Variants in ZNF787 observed in about 807,000 individuals in gnomAD.
ZNF787 encodes the protein TTF-I-interacting peptide 20.
Under a neutral mutation model 16.9 loss-of-function variants are expected in ZNF787, and 7 were observed. The ratio of observed to expected loss-of-function variants is 0.42; its 90% CI spans 0.24 to 0.78. ZNF787 has a LOEUF of 0.78. Among genes scored for constraint, ZNF787 ranks in the 30% least tolerant of loss-of-function variants. The pLI, the probability that ZNF787 is intolerant of heterozygous loss-of-function variation, is 0.30. For missense variants in ZNF787, 551 were observed against 589.3 expected (o/e 0.94, Z 0.67); for synonymous variants, 345 against 270.9 (o/e 1.27, Z -2.69).
intron 1 of ZNF787, among the ~76,000 whole-genome samples, chr19:56,118,633 G>A (rs2030203763): frequency 6.6e-6 from 1 of 152,178 alleles, no homozygotes; most frequent in Non-Finnish European, 1.5e-5. Context: ...CAGGCACTGG[G>A]CCAGGTTCCT....
rs561269461 is a variant in ZNF787 at position 56,087,901 on chromosome 19, G to C, written c.*122C>G. ...GCGCAGGGACAGAGGAGGGCGGGGA[G>C]CCGGGGATGCCGCGGGGTCCATCGC... On this transcript the variant is annotated 3_prime_UTR_variant, in exon 3 of 3. Coordinates refer to ENST00000610935, the MANE Select transcript of ZNF787 (RefSeq NM_001002836.4). 5 of 1,271,144 alleles carry C rather than the reference G, an allele frequency of 3.9e-6. No individual in the cohort carries two copies. The Admixed American group carries it at 1.8e-4, about 45-fold the overall frequency. The allele number at this position is 1,271,144 out of a possible 1,614,324, so 78.7% of individuals were successfully genotyped here. A position where few individuals can be genotyped will look rare whatever the true frequency, so the allele number is the denominator to read the frequency against.
At chr19:56,097,521 T>A (rs1277544583) in intron 2 of ZNF787, among the ~76,000 whole-genome samples, 1 of 152,172 alleles carries the variant, frequency 6.6e-6, no homozygotes, top group Non-Finnish European at 1.5e-5. Context: ...GGCAGTAGGA[T>A]GGACTGCGTG....
At chr19:56,104,704 G>A (rs1168351058) in intron 1 of ZNF787, among the ~76,000 whole-genome samples, 1 of 151,942 alleles carries the variant, frequency 6.6e-6, no homozygotes, top group African/African-American at 2.4e-5. Context: ...ACCAACCTGT[G>A]CCATGCACTG....
intron 2 of ZNF787, among the ~76,000 whole-genome samples, chr19:56,089,587 G>A (rs1307941179): frequency 2.0e-5 from 3 of 152,178 alleles, no homozygotes; most frequent in African/African-American, 7.2e-5. Context: ...TGCCCGCCAG[G>A]GAGCGATGGT....
intron 2 of ZNF787, among the ~76,000 whole-genome samples, chr19:56,091,972 A>G (rs113106741): frequency 7.2e-5 from 8 of 111,200 alleles, no homozygotes; most frequent in African/African-American, 1.2e-4. Context: ...AACCGAAGCC[A>G]AAGCCGAAGG....
chr19:56,119,655 G>A (rs2030230087), intron 1 of ZNF787, among the ~76,000 whole-genome samples: 1 of 152,202 alleles, frequency 6.6e-6, no homozygotes, highest in Admixed American at 6.5e-5. Flanking sequence ...AGCTCTTGGG[G>A]AATACAACCC....
chr19:56,110,965 A>G (rs1432468142), intron 1 of ZNF787, among the ~76,000 whole-genome samples: 2 of 152,200 alleles, frequency 1.3e-5, no homozygotes, highest in South Asian at 2.1e-4. Flanking sequence ...CAGCCTATAG[A>G]GGTGGAGGGG....
At chr19:56,090,840 T>C (rs1389983207) in intron 2 of ZNF787, among the ~76,000 whole-genome samples, 2 of 152,088 alleles carry the variant, frequency 1.3e-5, no homozygotes, top group East Asian at 3.9e-4. Flanking sequence ...ACAAAAACGC[T>C]TATGCTCAGG....
At chr19:56,116,647 G>A (rs1231017912) in intron 1 of ZNF787, among the ~76,000 whole-genome samples, 1 of 151,958 alleles carries the variant, frequency 6.6e-6, no homozygotes, top group Non-Finnish European at 1.5e-5. Flanking sequence ...AACCACACCT[G>A]CGGACCACCT....
At chr19:56,094,187 CTTTTTT>C (rs572443571) in intron 2 of ZNF787, among the ~76,000 whole-genome samples, 8 of 105,474 alleles carry the variant, frequency 7.6e-5, no homozygotes, top group Non-Finnish European at 1.3e-4. Context: ...TCATGCCCGG[CTTTTTT>C]TTTTTTTTTT....
intron 2 of ZNF787, chr19:56,102,659 T>G: frequency 2.1e-6 from 1 of 484,850 alleles, no homozygotes; most frequent in Non-Finnish European, 3.6e-6. Context: ...AGCCTGCGGG[T>G]TCCCTGCACT....
At chr19:56,118,960 A>C (rs1016811952) in intron 1 of ZNF787, among the ~76,000 whole-genome samples, 1 of 151,850 alleles carries the variant, frequency 6.6e-6, no homozygotes, top group African/African-American at 2.4e-5. Context: ...CTTCCTCTCT[A>C]TCTTTCAAGA....
At chr19:56,094,829 G>A (rs1985808341) in intron 2 of ZNF787, among the ~76,000 whole-genome samples, 1 of 152,120 alleles carries the variant, frequency 6.6e-6, no homozygotes, top group African/African-American at 2.4e-5. Flanking sequence ...TCTCATAAGG[G>A]ACCAGGCTCA....
At chr19:56,093,366 A>G (rs569992215) in intron 2 of ZNF787, among the ~76,000 whole-genome samples, 25 of 152,216 alleles carry the variant, frequency 1.6e-4, no homozygotes, top group South Asian at 4.1e-4. Context: ...GGGATGCCCT[A>G]TATTACAACC....
At chr19:56,091,887 C>T (rs977938857) in intron 2 of ZNF787, among the ~76,000 whole-genome samples, 1 of 152,062 alleles carries the variant, frequency 6.6e-6, no homozygotes, top group Non-Finnish European at 1.5e-5. Context: ...CAAGATGAGC[C>T]GCTCCACTTG....
intron 2 of ZNF787, among the ~76,000 whole-genome samples, chr19:56,090,299 TG>T (rs1305866842): frequency 6.6e-6 from 1 of 152,000 alleles, no homozygotes; most frequent in East Asian, 1.9e-4. Context: ...AGGGAGAAAC[TG>T]AGGCACTAGG....
rs2030256611 is a variant in ZNF787, at chr19:56,120,442, G to A, written c.-11+730C>T. 2.0e-5 allele frequency among the ~76,000 whole-genome samples: 3 copies of A among 152,172 alleles called. No homozygotes were observed. The South Asian group carries it at 6.2e-4, about 31-fold the overall frequency. On this transcript the variant is annotated intron_variant, in intron 1 of 2. Transcript: ENST00000610935. ...GTCCCCGCCTTCGCCCTGCCCCGTG[G>A]GCCACGCGGTGGCTGACCTTGGCCC...
intron 2 of ZNF787, among the ~76,000 whole-genome samples, chr19:56,090,903 G>A (rs771567608): frequency 7.2e-5 from 11 of 152,224 alleles, no homozygotes; most frequent in Non-Finnish European, 1.5e-4. Context: ...CTGTGCTTCA[G>A]CAAGCCCCCC....
At chr19:56,117,672 G>T (rs188438823) in intron 1 of ZNF787, among the ~76,000 whole-genome samples, 3 of 152,224 alleles carry the variant, frequency 2.0e-5, no homozygotes, top group Non-Finnish European at 4.4e-5. Context: ...CCTGTGTCCC[G>T]CAGGGGGATC....
Sources: gnomAD v4.1 joint callset for allele counts (sites outside exome capture counted in the v4.1 genomes callset) on GRCh38, gnomAD v4.1.1 for gene constraint, MANE v1.5 for transcripts, NCBI Gene and HGNC (gene_info 2026-07-23, HGNC 2026-07-21) for gene names.